The following SEMA3A variants were observed in gnomAD, a reference collection of about 807,000 sequenced individuals.
SEMA3A encodes semaphorin 3A, also known as semaphorin-3A.
Under a neutral mutation model 97.9 loss-of-function variants are expected in SEMA3A, and 29 were observed. The ratio of observed to expected loss-of-function variants is 0.30; its 90% CI spans 0.22 to 0.40. SEMA3A has a LOEUF of 0.40. SEMA3A is among the 10% of genes least tolerant of loss of function. SEMA3A has a pLI of 1.00. For missense variants in SEMA3A, 763 were observed against 951.3 expected (o/e 0.80, Z 2.60); for synonymous variants, 321 against 323.7 (o/e 0.99, Z 0.09).
intron 1 of SEMA3A, among the ~76,000 whole-genome samples, chr7:84,420,442 G>T (rs1804557662): frequency 6.6e-6 from 1 of 151,978 alleles, no homozygotes; most frequent in Non-Finnish European, 1.5e-5. Flanking sequence ...CTCAATAGGA[G>T]ATTTGAAAAG....
At chr7:84,392,953 A>C (rs12536464) in intron 1 of SEMA3A, among the ~76,000 whole-genome samples, 10,309 of 152,166 alleles carry the variant, frequency 0.068, 392 homozygotes, top group East Asian at 0.12. Context: ...ATTCCTTATC[A>C]GATGTATGAC....
At chr7:84,308,591 A>G (rs1030813317) in intron 2 of SEMA3A, among the ~76,000 whole-genome samples, 7 of 152,166 alleles carry the variant, frequency 4.6e-5, no homozygotes, top group African/African-American at 1.4e-4. Context: ...AGTGAGCTAC[A>G]GCTAAAATCT....
chr7:83,985,412 A>C (rs1229832073), intron 13 of SEMA3A, 24 bp downstream of exon 13: 1 of 1,544,818 alleles, frequency 6.5e-7, no homozygotes, highest in Non-Finnish European at 8.9e-7. Flanking sequence ...TTGGATATTC[A>C]ATGGTAATAC....
intron 3 of SEMA3A, among the ~76,000 whole-genome samples, chr7:84,220,248 C>T (rs918811966): frequency 3.3e-5 from 5 of 152,136 alleles, no homozygotes; most frequent in African/African-American, 1.2e-4. Context: ...TATGAGATTG[C>T]AGTAATTCAG....
At chr7:84,078,388 C>T (rs1794027966) in intron 4 of SEMA3A, among the ~76,000 whole-genome samples, 1 of 152,148 alleles carries the variant, frequency 6.6e-6, no homozygotes, top group East Asian at 1.9e-4. Context: ...AAAGCTATTA[C>T]TATGTTTCTA....
chr7:84,425,441 A>G (rs931254806), intron 1 of SEMA3A, among the ~76,000 whole-genome samples: 6 of 132,602 alleles, frequency 4.5e-5, no homozygotes, highest in African/African-American at 1.3e-4. Flanking sequence ...AAATATAGGC[A>G]TATATTTATA....
chr7:84,238,932 G>T (rs966300578), intron 3 of SEMA3A, among the ~76,000 whole-genome samples: 2 of 151,898 alleles, frequency 1.3e-5, no homozygotes, highest in Non-Finnish European at 2.9e-5. Context: ...AGCCAGACTG[G>T]TCTCCAACTC....
At chr7:84,374,554 T>C (rs979399170) in intron 1 of SEMA3A, among the ~76,000 whole-genome samples, 1 of 152,222 alleles carries the variant, frequency 6.6e-6, no homozygotes, top group Admixed American at 6.5e-5. Context: ...TTTATAGGTG[T>C]TGTGCTTATA....
At chr7:84,150,136 T>C (rs1387394023) in intron 1 of SEMA3A, among the ~76,000 whole-genome samples, 1 of 152,184 alleles carries the variant, frequency 6.6e-6, no homozygotes, top group Non-Finnish European at 1.5e-5. Flanking sequence ...TATTTGAGGG[T>C]AACTGGTAGG....
intron 1 of SEMA3A, among the ~76,000 whole-genome samples, chr7:84,449,616 C>T (rs1245588874): frequency 1.3e-5 from 2 of 152,030 alleles, no homozygotes; most frequent in East Asian, 3.8e-4. Flanking sequence ...GATGGCTATA[C>T]CAGTAAATTG....
chr7:84,424,548 A>G (rs1365376527), intron 1 of SEMA3A, among the ~76,000 whole-genome samples: 9 of 90,280 alleles, frequency 1.0e-4, no homozygotes, highest in African/African-American at 1.1e-4. Flanking sequence ...AAATATTAAT[A>G]TATATTATAT....
intron 12 of SEMA3A, among the ~76,000 whole-genome samples, chr7:83,992,448 G>T (rs1330384094): frequency 6.7e-6 from 1 of 149,116 alleles, no homozygotes; most frequent in East Asian, 2.0e-4. Context: ...TTTCTCTTGT[G>T]GGCATTTAGT....
At chr7:84,270,596 A>G (rs1365151080) in intron 3 of SEMA3A, among the ~76,000 whole-genome samples, 1 of 147,520 alleles carries the variant, frequency 6.8e-6, no homozygotes, top group Non-Finnish European at 1.5e-5. Flanking sequence ...ATAAATAATT[A>G]TTTATATATT....
chr7:84,215,247 G>A (rs1451299022), intron 3 of SEMA3A, among the ~76,000 whole-genome samples: 12 of 151,756 alleles, frequency 7.9e-5, no homozygotes, highest in Admixed American at 5.3e-4. Flanking sequence ...GTGCAATGGC[G>A]TGATCTTAGC....
At chr7:84,164,928 C>T (rs1410477355) in intron 1 of SEMA3A, among the ~76,000 whole-genome samples, 1 of 152,120 alleles carries the variant, frequency 6.6e-6, no homozygotes, top group Non-Finnish European at 1.5e-5. Context: ...CTAGCGCTAC[C>T]TTAGGAAAAT....
rs766865085 is a variant in SEMA3A at position 83,963,161 on chromosome 7, G to A, written c.1860+44C>T. The A allele has an allele frequency of 4.4e-6, 7 of 1,590,010 alleles. No homozygotes were observed. In the African/African-American group the frequency reaches 9.4e-5, roughly 21 times the overall value. ...AAAAATACAAGGATTACATTTAACAGTGTATCTTAGATATAAATGATCCAG... is the reference window on the plus strand; with the variant it reads ...AAAAATACAAGGATTACATTTAACAATGTATCTTAGATATAAATGATCCAG... On this transcript the variant is annotated intron_variant, in intron 16 of 16. Transcript: ENST00000265362.
intron 6 of SEMA3A, among the ~76,000 whole-genome samples, chr7:84,043,786 C>A (rs1792236183): frequency 6.6e-6 from 1 of 152,014 alleles, no homozygotes. Context: ...AAAATCAGTT[C>A]TCACGTTTAG....
chr7:84,386,581 G>C (rs1161642329), intron 1 of SEMA3A, among the ~76,000 whole-genome samples: 1 of 152,152 alleles, frequency 6.6e-6, no homozygotes, highest in Non-Finnish European at 1.5e-5. Context: ...CCACAAGAGA[G>C]AACACCCTCC....
chr7:84,086,465 TAATATGTATTATTATATTATA>T (rs1794350871), intron 4 of SEMA3A, among the ~76,000 whole-genome samples: 3 of 102,698 alleles, frequency 2.9e-5, no homozygotes, highest in Non-Finnish European at 6.4e-5. Flanking sequence ...TATTCATATA[TAATATGTATTATTATATTATA>T]TTTACATATA....
Sources: gnomAD v4.1 joint callset for allele counts (sites outside exome capture counted in the v4.1 genomes callset) on GRCh38, gnomAD v4.1.1 for gene constraint, MANE v1.5 for transcripts, NCBI Gene and HGNC (gene_info 2026-07-23, HGNC 2026-07-21) for gene names.